Variants in RPL36AL observed in about 807,000 individuals in gnomAD.
The protein encoded by RPL36AL is ribosomal protein eL42-like.
A neutral mutation model predicts 7.9 loss-of-function variants in RPL36AL; 8 were observed. The ratio of observed to expected loss-of-function variants is 1.02; its 90% CI spans 0.60 to 1.84. The LOEUF is 1.84. RPL36AL is among the 40% of genes most tolerant of loss of function. RPL36AL has a pLI of 0.00. For synonymous variants in RPL36AL, 44 were observed against 44.8 expected (o/e 0.98, Z 0.07); for missense variants, 76 against 126.8 (o/e 0.60, Z 1.93).
chr14:49,618,872 C>A lies in RPL36AL; in HGVS notation c.233G>T (p.Arg78Ile). 1 of 1,612,578 alleles carries A rather than the reference C, an allele frequency of 6.2e-7. No individual in the cohort carries two copies. The highest frequency in any genetic ancestry group is 8.5e-7 in the Non-Finnish European group (1 of 1,179,856). Residue 78 changes from arginine (R) to isoleucine (I), a missense_variant, in exon 2 of 2, where the codon AGA becomes ATA. Coordinates refer to ENST00000298289, the MANE Select transcript of RPL36AL (RefSeq NM_001001.5). The stretch of plus-strand genomic sequence containing the variant: ...CTTAATGGCCAGCATCCTCTTGGAT[C>A]TGCAGTTAGGCTCAACACATTCCAG... ...LRLECVEPNC[R>I]SKRMLAIKRC...
chr14:49,618,806 T>C lies in RPL36AL; in HGVS notation c.299A>G (p.Lys100Arg). The C allele has an allele frequency of 6.2e-7, 1 of 1,611,978 alleles. No individual in the cohort carries two copies. The highest frequency in any genetic ancestry group is 8.5e-7 in the Non-Finnish European group (1 of 1,179,684). Residue 100 changes from lysine to arginine, a missense_variant, in exon 2 of 2, where the codon AAG becomes AGG. By Grantham distance (26) the Lys-to-Arg change is conservative. Coordinates refer to ENST00000298289, the MANE Select transcript of RPL36AL (RefSeq NM_001001.5). ...HFELGGDKKRKGQVIQF is the reference protein window; with the variant it reads ...HFELGGDKKRRGQVIQF Reference sequence around the variant, plus strand: ...AGTTTAGAACTGGATCACTTGGCCCTTTCTCTTCTTATCTCCTCCCAGTTC... The same window carrying C: ...AGTTTAGAACTGGATCACTTGGCCCCTTCTCTTCTTATCTCCTCCCAGTTC...
chr14:49,619,749 G>A (rs1242387411), intron 1 of RPL36AL, among the ~76,000 whole-genome samples: 1 of 152,268 alleles, frequency 6.6e-6, no homozygotes, highest in East Asian at 1.9e-4. Context: ...AGTTGCAAGT[G>A]GGTTTTTAGA....
At position 49,619,038 on chromosome 14, in the gene RPL36AL, C is replaced by T. The variant is rs1350644148; in HGVS notation, c.67G>A (p.Val23Met). 16 of 1,613,860 alleles carry T rather than the reference C, an allele frequency of 9.9e-6. No homozygotes were observed. The highest frequency in any genetic ancestry group is 1.4e-5 in the Non-Finnish European group (16 of 1,179,870). The change falls in exon 2 of 2, where the codon GTG becomes ATG. Residue 23 changes from valine (V) to methionine (M), a missense_variant. By Grantham distance (21) the Val-to-Met change is conservative. Transcript: ENST00000298289. ...KKCGKHQPHK[V>M]TQYKKGKDSL... ...TCCTTGCCCTTCTTATACTGTGTCA[C>T]TTTGTGAGGCTGATGCTTGCCACAC...
At chr14:49,619,163 A>G (rs1003833972) in intron 1 of RPL36AL, 23 bp from the exon 2 acceptor site, 1 of 1,472,670 alleles carries the variant, frequency 6.8e-7, no homozygotes, top group Non-Finnish European at 9.2e-7. Context: ...ATTTAAAATA[A>G]GATAGCAGAC....
At position 49,618,587 on chromosome 14, in the gene RPL36AL, A is replaced by G. The variant is rs968054187; in HGVS notation, c.*197T>C. 7 of 570,308 alleles carry G rather than the reference A, an allele frequency of 1.2e-5. No homozygotes were observed. In the African/African-American group the frequency reaches 1.3e-4, roughly 11 times the overall value. 35.3% of individuals were successfully genotyped at this position (570,308 alleles called of 1,614,324 possible). A position where few individuals can be genotyped will look rare whatever the true frequency, so the allele number is the denominator to read the frequency against. Reference sequence around the variant, plus strand: ...TTGACCAGAAAACAAAAAGTAGTAAAGTAGTATTTTCCCTTCATACATATA... The same window carrying G: ...TTGACCAGAAAACAAAAAGTAGTAAGGTAGTATTTTCCCTTCATACATATA... On this transcript the variant is annotated 3_prime_UTR_variant, in exon 2 of 2. Coordinates refer to ENST00000298289, the MANE Select transcript of RPL36AL (RefSeq NM_001001.5).
rs1366522501 is a variant in RPL36AL at position 49,618,532 on chromosome 14, A to T, written c.*252T>A. Reference sequence around the variant, plus strand: ...TCTTAAAGATCCTTCTAAGCTGCTCAATGTTTATGAATTCATTCAACATTT... The same window carrying T: ...TCTTAAAGATCCTTCTAAGCTGCTCTATGTTTATGAATTCATTCAACATTT... On this transcript the variant is annotated 3_prime_UTR_variant, in exon 2 of 2. Coordinates refer to ENST00000298289, the MANE Select transcript of RPL36AL (RefSeq NM_001001.5). The T allele has an allele frequency of 6.3e-6, 3 of 476,542 alleles. No individual in the cohort carries two copies. The highest frequency in any genetic ancestry group is 1.1e-5 in the Non-Finnish European group (3 of 265,838). The allele number at this position is 476,542 out of a possible 1,614,324, so 29.5% of individuals were successfully genotyped here.
At chr14:49,619,454 C>A (rs1277524737) in intron 1 of RPL36AL, among the ~76,000 whole-genome samples, 1 of 152,132 alleles carries the variant, frequency 6.6e-6, no homozygotes, top group Non-Finnish European at 1.5e-5. Context: ...TCGAGACCAG[C>A]CTGACCAACA....
chr14:49,620,109 C>G (rs1334621268), intron 1 of RPL36AL, among the ~76,000 whole-genome samples: 1 of 152,310 alleles, frequency 6.6e-6, no homozygotes, highest in South Asian at 2.1e-4. Context: ...TTTATTGTGA[C>G]TGCTCCAAAA....
chr14:49,619,652 C>T (rs1210330161), intron 1 of RPL36AL, among the ~76,000 whole-genome samples: 1 of 151,934 alleles, frequency 6.6e-6, no homozygotes, highest in Non-Finnish European at 1.5e-5. Context: ...AGAACTGAGG[C>T]ACAATTCATA....
intron 1 of RPL36AL, among the ~76,000 whole-genome samples, chr14:49,619,897 T>C (rs753464414): frequency 3.3e-4 from 50 of 152,262 alleles, no homozygotes; most frequent in Non-Finnish European, 6.0e-4. Context: ...TAGTCAGGAA[T>C]AAAATGCCAG....
In RPL36AL at chr14:49,618,888, C is replaced by A. The variant is rs373465691; in HGVS notation, c.217G>T (p.Val73Phe). ...CTCTTGGATCTGCAGTTAGGCTCAA[C>A]ACATTCCAGCCTTAGCACAATCTTC... ...TKKIVLRLECVEPNCRSKRML... is the reference protein window; with the variant it reads ...TKKIVLRLECFEPNCRSKRML... Residue 73 changes from valine (V) to phenylalanine (F), a missense_variant, in exon 2 of 2, where the codon GTT becomes TTT. Val to Phe is a conservative substitution (Grantham distance 50). Coordinates refer to ENST00000298289, the MANE Select transcript of RPL36AL (RefSeq NM_001001.5). The A allele has an allele frequency of 1.9e-6, 3 of 1,612,660 alleles. No homozygotes were observed. In the African/African-American group the frequency reaches 4.0e-5, roughly 22 times the overall value.
rs748929589 is a variant in RPL36AL at position 49,619,099 on chromosome 14, G to T, written c.6C>A (p.Val2=). 23 of 1,606,830 alleles carry T rather than the reference G, an allele frequency of 1.4e-5. No individual in the cohort carries two copies. The highest frequency in any genetic ancestry group is 2.0e-5 in the Non-Finnish European group (23 of 1,174,644). Residue 2 remains valine, a synonymous_variant, in exon 2 of 2, where the codon GTC becomes GTA. Transcript: ENST00000298289. M[V]NVPKTRRTFC... ...AGGTTCTTCGGGTTTTAGGTACGTT[G>T]ACCATCTTTGCAGCAGGGCTGTTTT...
At position 49,618,579 on chromosome 14, in the gene RPL36AL, A is replaced by T. The variant is rs1053772133; in HGVS notation, c.*205T>A. On this transcript the variant is annotated 3_prime_UTR_variant, in exon 2 of 2. Transcript: ENST00000298289. ...ATTTGAAATTGACCAGAAAACAAAA[A>T]GTAGTAAAGTAGTATTTTCCCTTCA... The T allele has an allele frequency of 3.6e-6, 2 of 555,238 alleles. No homozygotes were observed. Among genetic ancestry groups the T allele is most frequent in the Non-Finnish European group, 6.4e-6 (2 of 314,892 alleles). 34.4% of individuals were successfully genotyped at this position (555,238 alleles called of 1,614,324 possible).
chr14:49,619,953 G>A (rs1054782715), intron 1 of RPL36AL, among the ~76,000 whole-genome samples: 3 of 152,102 alleles, frequency 2.0e-5, no homozygotes, highest in African/African-American at 7.2e-5. Flanking sequence ...CTGTCTCTCT[G>A]GGCCCGGCAA....
At position 49,619,007 on chromosome 14, in the gene RPL36AL, A is replaced by T. The variant is rs753610929; in HGVS notation, c.98T>A (p.Leu33Ter). 1.5e-4 allele frequency: 250 copies of T among 1,613,852 alleles called. No individual in the cohort carries two copies. The highest frequency in any genetic ancestry group is 2.1e-4 in the Non-Finnish European group (243 of 1,179,874). ...VTQYKKGKDSLYAQGRRRYDR... is the reference protein window; with the variant it reads ...VTQYKKGKDS Reference sequence around the variant, plus strand: ...ATAGCGCCTCCTTCCCTGGGCATACAAAGAATCCTTGCCCTTCTTATACTG... The same window carrying T: ...ATAGCGCCTCCTTCCCTGGGCATACTAAGAATCCTTGCCCTTCTTATACTG... Residue 33 changes from leucine to a stop codon, truncating the protein, a stop_gained, in exon 2 of 2, where the codon TTG becomes TAG. Transcript: ENST00000298289. LOFTEE classifies it high-confidence loss of function.
Position 49,618,699 on chromosome 14 carries a change from A to G in RPL36AL, c.*85T>C, listed in dbSNP as rs145190323. The stretch of plus-strand genomic sequence containing the variant: ...AAAACCACAAAAAGTTTGCGTAAGA[A>G]TATCACTGTATTTATTTTCCCTCGG... On this transcript the variant is annotated 3_prime_UTR_variant, in exon 2 of 2. Transcript: ENST00000298289. 9.7e-6 allele frequency: 11 copies of G among 1,132,552 alleles called. No individual in the cohort carries two copies. The highest frequency in any genetic ancestry group is 3.0e-4 in the Middle Eastern group (1 of 3,304). 70.2% of individuals were successfully genotyped at this position (1,132,552 alleles called of 1,614,324 possible).
intron 1 of RPL36AL, 118 bp from the exon 2 acceptor site, chr14:49,619,258 C>T (rs1277449774): frequency 1.4e-5 from 9 of 628,958 alleles, no homozygotes; most frequent in South Asian, 8.6e-5. Flanking sequence ...AAATCCACCA[C>T]GTACTCTTTT....
chr14:49,620,302 G>C (rs1040562045), intron 1 of RPL36AL, among the ~76,000 whole-genome samples: 3 of 152,064 alleles, frequency 2.0e-5, no homozygotes, highest in African/African-American at 7.2e-5. Context: ...CATCAGCGTA[G>C]TATCACTTTT....
At position 49,618,956 on chromosome 14, in the gene RPL36AL, C is replaced by T; in HGVS notation, c.149G>A (p.Gly50Glu). The T allele has an allele frequency of 6.2e-7, 1 of 1,613,884 alleles. No homozygotes were observed. The highest frequency in any genetic ancestry group is 8.5e-7 in the Non-Finnish European group (1 of 1,179,874). ...CTTCCGGAAAATTGGCTTTGTCTGC[C>T]CACCATAGCCACTCTGCTTCCGATC... ...RYDRKQSGYG[G>E]QTKPIFRKKA... Residue 50 changes from glycine to glutamate, a missense_variant, in exon 2 of 2, where the codon GGG becomes GAG. Coordinates refer to ENST00000298289, the MANE Select transcript of RPL36AL (RefSeq NM_001001.5).
Sources: gnomAD v4.1 joint callset for allele counts (sites outside exome capture counted in the v4.1 genomes callset) on GRCh38, gnomAD v4.1.1 for gene constraint, MANE v1.5 for transcripts, NCBI Gene and HGNC (gene_info 2026-07-23, HGNC 2026-07-21) for gene names.